Variants in LYPLAL1 observed in about 807,000 individuals in gnomAD.
The protein encoded by LYPLAL1 is lysophospholipase-like protein 1.
In LYPLAL1, 23 loss-of-function variants were observed where a neutral mutation model predicts 19.7. The observed-to-expected ratio is 1.17, with a 90% CI of 0.84 to 1.65. The LOEUF (loss-of-function observed/expected upper bound fraction) is 1.65, where lower values mean the gene tolerates loss of function less well. LYPLAL1 is among the 40% of genes most tolerant of loss of function. The pLI is 0.00. For missense variants in LYPLAL1, 355 were observed against 279.4 expected (o/e 1.27, Z -1.93); for synonymous variants, 119 against 96.3 (o/e 1.24, Z -1.38).
chr1:219,366,341 A>G, the LYPLAL1 span, among the ~76,000 whole-genome samples: 1 of 152,246 alleles, frequency 6.6e-6, no homozygotes, highest in South Asian at 2.1e-4. Context: ...AACAAGGATA[A>G]TTATGAAGAA....
chr1:219,363,672 G>GTC, the LYPLAL1 span, among the ~76,000 whole-genome samples: 1 of 152,102 alleles, frequency 6.6e-6, no homozygotes, highest in East Asian at 1.9e-4. Flanking sequence ...ACTGATCCTT[G>GTC]TCTACCACTT....
chr1:219,272,622 A>G, the LYPLAL1 span: 1 of 152,120 alleles, frequency 6.6e-6, no homozygotes, highest in Non-Finnish European at 1.5e-5. Context: ...AACAAAACAA[A>G]AAAAATTAAC....
the LYPLAL1 span, among the ~76,000 whole-genome samples, chr1:219,266,315 A>C: frequency 6.6e-6 from 1 of 152,158 alleles, no homozygotes; most frequent in Non-Finnish European, 1.5e-5. Context: ...AAACAAAGAC[A>C]CAAACACACA....
At chr1:219,439,972 T>TACATATATATATATATAC in the LYPLAL1 span, among the ~76,000 whole-genome samples, 3 of 114,074 alleles carry the variant, frequency 2.6e-5, no homozygotes, top group African/African-American at 1.3e-4. Context: ...TATATATATA[T>TACATATATATATATATAC]ACATATATAT....
the LYPLAL1 span, among the ~76,000 whole-genome samples, chr1:219,278,175 C>T: frequency 5.4e-3 from 815 of 152,236 alleles, 4 homozygotes; most frequent in Non-Finnish European, 8.3e-3. Context: ...TTAACAAAAG[C>T]AAACTAGAAC....
chr1:219,188,025 A>G (rs1183840222), intron 2 of LYPLAL1, among the ~76,000 whole-genome samples: 4 of 151,802 alleles, frequency 2.6e-5, no homozygotes, highest in African/African-American at 2.4e-5. Flanking sequence ...AAGTCAAAAT[A>G]TATTTGGAGC....
intron 3 of LYPLAL1, among the ~76,000 whole-genome samples, chr1:219,196,074 T>C (rs947310790): frequency 2.0e-5 from 3 of 152,174 alleles, no homozygotes; most frequent in African/African-American, 7.2e-5. Context: ...TTACCCAGTC[T>C]GTCATTGATG....
At chr1:219,302,299 C>T in the LYPLAL1 span, among the ~76,000 whole-genome samples, 6 of 152,166 alleles carry the variant, frequency 3.9e-5, no homozygotes, top group Admixed American at 1.3e-4. Flanking sequence ...TTCCAAGAGT[C>T]ACTCTTCTGG....
At chr1:219,178,673 T>C (rs1656014736) in intron 1 of LYPLAL1, among the ~76,000 whole-genome samples, 1 of 152,166 alleles carries the variant, frequency 6.6e-6, no homozygotes, top group Non-Finnish European at 1.5e-5. Flanking sequence ...TAAAATAAAA[T>C]TACACTGAAC....
chr1:219,267,709 G>T, the LYPLAL1 span, among the ~76,000 whole-genome samples: 2 of 152,154 alleles, frequency 1.3e-5, no homozygotes, highest in Admixed American at 1.3e-4. Flanking sequence ...TAGAGAATAA[G>T]CTTCAATAAG....
the LYPLAL1 span, among the ~76,000 whole-genome samples, chr1:219,317,743 T>C: frequency 2.0e-5 from 3 of 152,196 alleles, no homozygotes; most frequent in Non-Finnish European, 4.4e-5. Context: ...GGTTTAATCC[T>C]GATAGTATAC....
At chr1:219,229,577 G>T in the LYPLAL1 span, among the ~76,000 whole-genome samples, 1 of 152,208 alleles carries the variant, frequency 6.6e-6, no homozygotes, top group Admixed American at 6.5e-5. Context: ...TAGCGACAAG[G>T]TACAGGGTCC....
chr1:219,343,497 A>G, the LYPLAL1 span, among the ~76,000 whole-genome samples: 1 of 152,186 alleles, frequency 6.6e-6, no homozygotes, highest in African/African-American at 2.4e-5. Context: ...TAACTCTCTA[A>G]TAAGTTGTAT....
chr1:219,328,306 C>G, the LYPLAL1 span, among the ~76,000 whole-genome samples: 12 of 152,272 alleles, frequency 7.9e-5, no homozygotes, highest in African/African-American at 2.6e-4. Flanking sequence ...GGAAAAATTT[C>G]CTAAGCTGTT....
the LYPLAL1 span, among the ~76,000 whole-genome samples, chr1:219,244,983 T>C: frequency 4.7e-4 from 71 of 151,692 alleles, no homozygotes; most frequent in African/African-American, 1.6e-3. Context: ...CTTCTTTCCT[T>C]TTTTCCTTGC....
At chr1:219,331,057 A>G in the LYPLAL1 span, among the ~76,000 whole-genome samples, 4 of 152,104 alleles carry the variant, frequency 2.6e-5, no homozygotes, top group Non-Finnish European at 4.4e-5. Flanking sequence ...CATCTATTAA[A>G]TGTTCTTCTC....
chr1:219,331,465 C>A, the LYPLAL1 span, among the ~76,000 whole-genome samples: 9 of 152,138 alleles, frequency 5.9e-5, no homozygotes, highest in Non-Finnish European at 1.0e-4. Context: ...TTATATATTT[C>A]TCATCTTCTT....
the LYPLAL1 span, among the ~76,000 whole-genome samples, chr1:219,339,906 T>C: frequency 2.0e-5 from 3 of 152,170 alleles, no homozygotes; most frequent in Admixed American, 6.6e-5. Context: ...TTGCACCACA[T>C]ATTGGCAAGA....
the LYPLAL1 span, among the ~76,000 whole-genome samples, chr1:219,227,768 C>T: frequency 2.0e-5 from 3 of 152,122 alleles, no homozygotes; most frequent in Non-Finnish European, 2.9e-5. Flanking sequence ...GTTTTCTTAA[C>T]GGAGAACAGT....
Sources: allele counts gnomAD v4.1 joint callset (sites outside exome capture counted in the v4.1 genomes callset), GRCh38; gene constraint gnomAD v4.1.1; transcripts MANE v1.5; gene names NCBI Gene and HGNC (gene_info 2026-07-23, HGNC 2026-07-21).